Variants in ADAMTS14 observed in about 807,000 individuals in gnomAD.
ADAMTS14 encodes A disintegrin and metalloproteinase with thrombospondin motifs 14.
ADAMTS14 carries 100 observed loss-of-function variants against 128.6 expected under a neutral mutation model. That is an observed-to-expected ratio of 0.78 (90% CI 0.66 to 0.92). The LOEUF (loss-of-function observed/expected upper bound fraction) is 0.92. Among genes scored for constraint, ADAMTS14 ranks in the 40% least tolerant of loss-of-function variants. ADAMTS14 has a pLI of 0.00. For missense variants in ADAMTS14, 1,562 were observed against 1,658.6 expected, an observed-to-expected ratio of 0.94 and a Z score of 1.01; for synonymous variants, 665 against 653.8, an observed-to-expected ratio of 1.02 and a Z score of -0.26.
intron 2 of ADAMTS14, among the ~76,000 whole-genome samples, chr10:70,680,803 A>G (rs1839779618): frequency 6.6e-6 from 1 of 152,106 alleles, no homozygotes; most frequent in South Asian, 2.1e-4. Context: ...CACCATGCCC[A>G]GCTGATTTTT....
intron 3 of ADAMTS14, among the ~76,000 whole-genome samples, chr10:70,707,899 G>A (rs58949570): frequency 2.0e-5 from 3 of 152,188 alleles, no homozygotes; most frequent in Non-Finnish European, 2.9e-5. Context: ...TTTGTGCTTC[G>A]GTGGCAGAAT....
At chr10:70,760,102 ACGC>A (rs1320812570) in intron 21 of ADAMTS14, among the ~76,000 whole-genome samples, 7 of 10,690 alleles carry the variant, frequency 6.5e-4, no homozygotes, top group South Asian at 0.019. Context: ...CTTCCAGGTG[ACGC>A]TGCTGCTGCT....
chr10:70,746,141 G>A (rs574707525), intron 15 of ADAMTS14, among the ~76,000 whole-genome samples: 2 of 152,196 alleles, frequency 1.3e-5, no homozygotes, highest in Admixed American at 1.3e-4. Context: ...TACCACACAG[G>A]CCCTTACATT....
rs34048075 is a variant in ADAMTS14, at chr10:70,745,263, G to A, written c.2220G>A (p.Arg740=). Residue 740 remains arginine, a synonymous_variant, in exon 15 of 22, where the codon AGG becomes AGA. Transcript: ENST00000373207. ...TGGTGCAGATCCCAGCAGGTGCCAG[G>A]CACATCCAGATTGAGGCACTGGAGA... ...LKLVQIPAGA[R]HIQIEALEKS... 3,690 of 1,612,580 alleles carry A rather than the reference G, an allele frequency of 2.3e-3. 60 individuals carry two copies. The African/African-American group carries it at 0.04, about 18-fold the overall frequency.
At chr10:70,760,115 TGC>T (rs1842570833) in intron 21 of ADAMTS14, among the ~76,000 whole-genome samples, 3 of 126,774 alleles carry the variant, frequency 2.4e-5, no homozygotes, top group South Asian at 2.5e-4. Context: ...CTGCTGCTGC[TGC>T]GTGTGGGGAC....
intron 15 of ADAMTS14, among the ~76,000 whole-genome samples, chr10:70,749,608 AGT>A (rs72483126): frequency 0.16 from 23,397 of 147,692 alleles, 2,423 homozygotes; most frequent in African/African-American, 0.3. Flanking sequence ...AGGCAGCAAG[AGT>A]GTGTGTGTGT....
intron 2 of ADAMTS14, among the ~76,000 whole-genome samples, chr10:70,700,019 C>T (rs966665096): frequency 3.9e-5 from 6 of 151,954 alleles, no homozygotes; most frequent in Admixed American, 1.3e-4. Flanking sequence ...GTATCAGACA[C>T]GGGTGCAGAA....
At chr10:70,699,224 C>G (rs1840425182) in intron 2 of ADAMTS14, among the ~76,000 whole-genome samples, 1 of 152,168 alleles carries the variant, frequency 6.6e-6, no homozygotes, top group African/African-American at 2.4e-5. Flanking sequence ...TGCTGGGTGA[C>G]TTTGGGCCAG....
rs1027466094 is a variant in ADAMTS14 at position 70,760,513 on chromosome 10, T to C, written c.3332T>C (p.Leu1111Pro). 6 of 1,613,664 alleles carry C rather than the reference T, an allele frequency of 3.7e-6. No individual in the cohort carries two copies. In the African/African-American group the frequency reaches 8.0e-5, roughly 22 times the overall value. Residue 1111 changes from leucine to proline, a missense_variant, in exon 22 of 22, where the codon CTG becomes CCG. Physicochemically the swap from Leu to Pro is moderately conservative, Grantham distance 98. Transcript: ENST00000373207. The part of the protein sequence containing the change: ...NPGPDPGPTS[L>P]PPFSTPGSPL... Reference sequence around the variant, plus strand: ...GGCCCAGACCCTGGCCCAACCTCACTGCCCCCCTTCTCCACTCCTGGAAGC... The same window carrying C: ...GGCCCAGACCCTGGCCCAACCTCACCGCCCCCCTTCTCCACTCCTGGAAGC...
At chr10:70,747,538 G>T (rs1270597983) in intron 15 of ADAMTS14, among the ~76,000 whole-genome samples, 1 of 152,212 alleles carries the variant, frequency 6.6e-6, no homozygotes, top group African/African-American at 2.4e-5. Context: ...GGAGCTCACG[G>T]ACACTGCATC....
chr10:70,749,972 C>A lies in ADAMTS14; in HGVS notation c.2414C>A (p.Ala805Asp). The A allele has an allele frequency of 6.2e-7, 1 of 1,614,012 alleles. No individual in the cohort carries two copies. Among genetic ancestry groups the A allele is most frequent in the South Asian group, 1.1e-5 (1 of 91,064 alleles). ...AAGACCAGCGGGCCCCTGCCTGAAG[C>A]CATTGCCATCCTGGTGAGCCCCACT... is the stretch of plus-strand genomic sequence containing the variant. ...SLKTSGPLPE[A>D]IAILALPPTE... The change falls in exon 16 of 22, where the codon GCC becomes GAC. Residue 805 changes from alanine (A) to aspartate (D), a missense_variant. Coordinates refer to ENST00000373207, the MANE Select transcript of ADAMTS14 (RefSeq NM_080722.4).
In ADAMTS14 at chr10:70,751,594, C is replaced by T; in HGVS notation, c.2544C>T (p.Thr848=). 6.2e-7 allele frequency: 1 copy of T among 1,613,556 alleles called. No homozygotes were observed. The highest frequency in any genetic ancestry group is 8.5e-7 in the Non-Finnish European group (1 of 1,179,548). The part of the protein sequence containing the change: ...SNNVLLEEMD[T]YEWALKSWAP... The stretch of plus-strand genomic sequence containing the variant: ...ATGTGCTCCTGGAGGAGATGGACAC[C>T]TATGAGTGGGCGCTCAAGAGCTGGG... The change falls in exon 17 of 22, where the codon ACC becomes ACT. Residue 848 remains threonine, a synonymous_variant. Coordinates refer to ENST00000373207, the MANE Select transcript of ADAMTS14 (RefSeq NM_080722.4).
At chr10:70,688,681 C>T (rs1158654001) in intron 2 of ADAMTS14, among the ~76,000 whole-genome samples, 2 of 113,904 alleles carry the variant, frequency 1.8e-5, no homozygotes, top group Non-Finnish European at 4.0e-5. Context: ...GCCCGGCCAA[C>T]ACAGCGAAAC....
In ADAMTS14 at chr10:70,735,384, G is replaced by A. The variant is rs973508101; in HGVS notation, c.1485+83G>A. The A allele has an allele frequency of 3.9e-6, 6 of 1,536,076 alleles. No individual in the cohort carries two copies. The African/African-American group carries it at 5.4e-5, about 14-fold the overall frequency. ...GGCCCATGCTGACCATTCATGAGGTGCCTTCTGCCCAGCTGGCCAGTGGGC... is the reference window on the plus strand; with the variant it reads ...GGCCCATGCTGACCATTCATGAGGTACCTTCTGCCCAGCTGGCCAGTGGGC... On this transcript the variant is annotated intron_variant, in intron 9 of 21. Coordinates refer to ENST00000373207, the MANE Select transcript of ADAMTS14 (RefSeq NM_080722.4).
chr10:70,705,094 C>A (rs1366218434), intron 3 of ADAMTS14, among the ~76,000 whole-genome samples: 5 of 152,172 alleles, frequency 3.3e-5, no homozygotes, highest in Admixed American at 6.5e-5. Context: ...TACACACATC[C>A]ATGAATGAGC....
chr10:70,704,780 T>C (rs1022501852), intron 3 of ADAMTS14, among the ~76,000 whole-genome samples: 13 of 149,640 alleles, frequency 8.7e-5, no homozygotes, highest in African/African-American at 3.2e-4. Context: ...CACACATCCA[T>C]ACACCCACAC....
At chr10:70,729,555 C>T (rs1272170349) in intron 5 of ADAMTS14, among the ~76,000 whole-genome samples, 178 bp downstream of exon 5, 1 of 152,028 alleles carries the variant, frequency 6.6e-6, no homozygotes, top group Non-Finnish European at 1.5e-5. Flanking sequence ...TGGTAAGCAG[C>T]AATTTATGGT....
intron 2 of ADAMTS14, among the ~76,000 whole-genome samples, chr10:70,688,843 C>T (rs1239020760): frequency 7.2e-4 from 3 of 4,174 alleles, no homozygotes; most frequent in Non-Finnish European, 1.4e-3. Context: ...AGAGGGAGAC[C>T]GGAGGGGGAG....
At chr10:70,679,736 C>A (rs1839747478) in intron 2 of ADAMTS14, among the ~76,000 whole-genome samples, 1 of 152,252 alleles carries the variant, frequency 6.6e-6, no homozygotes, top group African/African-American at 2.4e-5. Context: ...CGGAAGCAGC[C>A]ACACGTGTAA....
Sources: gnomAD v4.1 joint callset for allele counts (sites outside exome capture counted in the v4.1 genomes callset) on GRCh38, gnomAD v4.1.1 for gene constraint, MANE v1.5 for transcripts, NCBI Gene and HGNC (gene_info 2026-07-23, HGNC 2026-07-21) for gene names.